The following ANKFN1 variants were observed in gnomAD, a reference collection of about 807,000 sequenced individuals.
ANKFN1 encodes ankyrin repeat and fibronectin type III domain containing 1, also known as ankyrin repeat and fibronectin type-III domain-containing protein 1.
ANKFN1 carries 74 observed loss-of-function variants against 108.7 expected under a neutral mutation model. That is an observed-to-expected ratio of 0.68 (90% CI 0.56 to 0.83). ANKFN1 has a LOEUF of 0.83. Among genes scored for constraint, ANKFN1 ranks in the 40% least tolerant of loss-of-function variants. The probability of loss-of-function intolerance (pLI) is 0.00; values close to 1 mark genes in which losing one functional copy is unlikely to be tolerated. For missense variants in ANKFN1, 1,505 were observed against 1,382.3 expected, an observed-to-expected ratio of 1.09 and a Z score of -1.41; for synonymous variants, 547 against 516.2, an observed-to-expected ratio of 1.06 and a Z score of -0.81.
chr17:56,413,814 G>A, intron 8 of ANKFN1, among the ~76,000 whole-genome samples: 1 of 151,968 alleles, frequency 6.6e-6, no homozygotes, highest in Admixed American at 6.6e-5. Context: ...CTGCCTCCCG[G>A]GTTCAAGCGA....
intron 6 of ANKFN1, among the ~76,000 whole-genome samples, chr17:56,361,659 A>G (rs1055027763): frequency 6.6e-6 from 1 of 152,146 alleles, no homozygotes; most frequent in Non-Finnish European, 1.5e-5. Flanking sequence ...GTCTCATGTG[A>G]GTCTGAGTTG....
chr17:56,435,573 A>C (rs1160582468), intron 8 of ANKFN1, among the ~76,000 whole-genome samples: 1 of 152,174 alleles, frequency 6.6e-6, no homozygotes, highest in Non-Finnish European at 1.5e-5. Flanking sequence ...GGCTGGGTCT[A>C]AGGGCAAGTG....
At chr17:56,213,633 A>G (rs1341121981) in intron 2 of ANKFN1, among the ~76,000 whole-genome samples, 4 of 152,170 alleles carry the variant, frequency 2.6e-5, no homozygotes, top group African/African-American at 9.7e-5. Context: ...ACCAGGTGCC[A>G]TCCTAAGTGC....
chr17:56,422,906 G>T (rs975479943), intron 8 of ANKFN1, among the ~76,000 whole-genome samples: 1 of 152,192 alleles, frequency 6.6e-6, no homozygotes, highest in African/African-American at 2.4e-5. Context: ...TGTAACTATA[G>T]TTGTTTGAGA....
chr17:56,121,472 A>T (rs1440602348), intron 4 of ANKFN1, among the ~76,000 whole-genome samples: 3 of 152,026 alleles, frequency 2.0e-5, no homozygotes, highest in Non-Finnish European at 2.9e-5. Flanking sequence ...CTTCTTAAAG[A>T]TGACATTATC....
At chr17:56,355,663 G>T (rs2046357325) in intron 6 of ANKFN1, among the ~76,000 whole-genome samples, 1 of 152,150 alleles carries the variant, frequency 6.6e-6, no homozygotes, top group Non-Finnish European at 1.5e-5. Context: ...TGAGGTAATT[G>T]TGAAATTGAG....
In ANKFN1 at chr17:56,457,295, A is replaced by ATATC. The variant is rs2049740631; in HGVS notation, c.1348_1351dup (p.Leu451TyrfsTer6). 6.3e-7 allele frequency: 1 copy of ATATC among 1,599,950 alleles called. No individual in the cohort carries two copies. Reference sequence around the variant, plus strand: ...GCCGTTATATTTTATTACAAAGACAATATCTTAGTCACCAATGAAGATCAA... The same window carrying ATATC: ...GCCGTTATATTTTATTACAAAGACAATATCTATCTTAGTCACCAATGAAGATCAA... On this transcript the variant is annotated frameshift_variant, in exon 13 of 21. Coordinates refer to ENST00000682825, the MANE Select transcript of ANKFN1 (RefSeq NM_001370326.1). LOFTEE classifies it high-confidence loss of function.
chr17:56,190,731 G>A lies in ANKFN1; in HGVS notation c.-70-21867G>A, dbSNP rs1252248760. 5.6e-5 allele frequency among the ~76,000 whole-genome samples: 8 copies of A among 142,428 alleles called. No individual in the cohort carries two copies. In the East Asian group the frequency reaches 6.4e-4, roughly 11 times the overall value. The allele number at this position is 142,428 out of a possible 152,430, so 93.4% of individuals were successfully genotyped here. ...AGTTCTGTAGATGTCTATTAGGTCC[G>A]CTTGGTGCAGAGCTGAGTTCAATTC... On this transcript the variant is annotated intron_variant, in intron 1 of 20. Coordinates refer to ENST00000682825, the MANE Select transcript of ANKFN1 (RefSeq NM_001370326.1).
intron 4 of ANKFN1, among the ~76,000 whole-genome samples, chr17:56,055,557 G>GTATATATACATATATATATATATATA (rs1555588754): frequency 4.8e-5 from 1 of 20,970 alleles, no homozygotes; most frequent in African/African-American, 2.6e-4. Context: ...TGTGTGTGTG[G>GTATATATACATATATATATATATATA]TATATATACA....
chr17:56,218,431 C>G (rs181624081), intron 2 of ANKFN1, among the ~76,000 whole-genome samples: 1 of 152,102 alleles, frequency 6.6e-6, no homozygotes, highest in Non-Finnish European at 1.5e-5. Flanking sequence ...CTTTACCTGG[C>G]TGAGATGATC....
intron 4 of ANKFN1, among the ~76,000 whole-genome samples, chr17:56,113,558 C>T (rs974299511): frequency 2.0e-4 from 30 of 152,142 alleles, no homozygotes; most frequent in African/African-American, 7.2e-4. Context: ...GAACCATGGA[C>T]AAGTTACACA....
intron 3 of ANKFN1, among the ~76,000 whole-genome samples, chr17:56,295,679 A>T (rs1427715217): frequency 6.6e-6 from 1 of 152,240 alleles, no homozygotes; most frequent in East Asian, 1.9e-4. Flanking sequence ...AGAATACCAC[A>T]GATTGGTTAA....
intron 8 of ANKFN1, among the ~76,000 whole-genome samples, chr17:56,405,312 A>T (rs2047889900): frequency 6.6e-6 from 1 of 152,224 alleles, no homozygotes; most frequent in African/African-American, 2.4e-5. Context: ...TTATGCAAGA[A>T]ATGCAACCTA....
intron 8 of ANKFN1, among the ~76,000 whole-genome samples, chr17:56,379,978 C>G (rs2047049319): frequency 6.6e-6 from 1 of 152,174 alleles, no homozygotes; most frequent in Admixed American, 6.5e-5. Flanking sequence ...CTTTGTTATT[C>G]ACGCGCATTG....
chr17:56,048,564 G>A (rs890497092), intron 4 of ANKFN1, among the ~76,000 whole-genome samples: 1 of 152,258 alleles, frequency 6.6e-6, no homozygotes, highest in Admixed American at 6.5e-5. Context: ...AGTGAGCCAA[G>A]CATTCTTGTC....
chr17:56,054,560 TA>T (rs1291845500), intron 4 of ANKFN1, among the ~76,000 whole-genome samples: 5 of 152,332 alleles, frequency 3.3e-5, no homozygotes, highest in Non-Finnish European at 2.9e-5. Flanking sequence ...TGTAGTCTAT[TA>T]AGTTTACAAT....
At chr17:56,229,512 T>C (rs982461721) in intron 3 of ANKFN1, among the ~76,000 whole-genome samples, 2 of 151,980 alleles carry the variant, frequency 1.3e-5, no homozygotes, top group Non-Finnish European at 2.9e-5. Flanking sequence ...TACCGAAAGA[T>C]ACTTGGTATA....
At position 56,391,210 on chromosome 17, in the gene ANKFN1, T is replaced by C. The variant is rs112679573; in HGVS notation, c.910+16496T>C. Reference sequence around the variant, plus strand: ...TCTTTGCAGGGTGAAGGCCCAAGAATACATATATATATATATATATATATA... The same window carrying C: ...TCTTTGCAGGGTGAAGGCCCAAGAACACATATATATATATATATATATATA... On this transcript the variant is annotated intron_variant, in intron 8 of 20. Coordinates refer to ENST00000682825, the MANE Select transcript of ANKFN1 (RefSeq NM_001370326.1). 3.5e-3 allele frequency among the ~76,000 whole-genome samples: 383 copies of C among 108,192 alleles called. 3 individuals are homozygous for C. Among genetic ancestry groups the C allele is most frequent in the Admixed American group, 5.9e-3 (70 of 11,782 alleles). 71.0% of individuals were successfully genotyped at this position (108,192 alleles called of 152,430 possible). A position where few individuals can be genotyped will look rare whatever the true frequency, so the allele number is the denominator to read the frequency against.
chr17:56,194,052 C>T lies in ANKFN1; in HGVS notation c.-70-18546C>T, dbSNP rs192280670. ...CTCCATGTCTTTTGTCACTAGGGAACGAAAATTAAAGCAATGATATACCAC... is the reference window on the plus strand; with the variant it reads ...CTCCATGTCTTTTGTCACTAGGGAATGAAAATTAAAGCAATGATATACCAC... On this transcript the variant is annotated intron_variant, in intron 1 of 20. Transcript: ENST00000682825. 6.6e-5 allele frequency among the ~76,000 whole-genome samples: 10 copies of T among 152,200 alleles called. No individual in the cohort carries two copies. In the East Asian group the frequency reaches 9.6e-4, roughly 15 times the overall value.
Sources: allele counts gnomAD v4.1 joint callset (sites outside exome capture counted in the v4.1 genomes callset), GRCh38; gene constraint gnomAD v4.1.1; transcripts MANE v1.5; gene names NCBI Gene and HGNC (gene_info 2026-07-23, HGNC 2026-07-21).